BMPR1B: variants seen among roughly 807,000 people sequenced by gnomAD.
BMPR1B encodes the protein bone morphogenetic protein receptor type 1B, also known as bone morphogenetic protein receptor type-1B.
A neutral mutation model predicts 59.1 loss-of-function variants in BMPR1B; 12 were observed. The observed-to-expected ratio is 0.20, with a 90% CI of 0.13 to 0.33. BMPR1B has a LOEUF of 0.33. Among genes scored for constraint, BMPR1B ranks in the 10% least tolerant of loss-of-function variants. The probability of loss-of-function intolerance (pLI) is 1.00; values close to 1 mark genes in which losing one functional copy is unlikely to be tolerated. For synonymous variants in BMPR1B, 237 were observed against 207.3 expected (o/e 1.14, Z -1.23); for missense variants, 550 against 610.9 (o/e 0.90, Z 1.05).
chr4:95,061,482 A>C (rs944346020), intron 3 of BMPR1B, among the ~76,000 whole-genome samples: 2 of 152,196 alleles, frequency 1.3e-5, no homozygotes, highest in Non-Finnish European at 2.9e-5. Context: ...GTTTCCTTTA[A>C]CAGAAAATAA....
intron 2 of BMPR1B, among the ~76,000 whole-genome samples, chr4:94,926,454 T>C (rs895294044): frequency 6.6e-6 from 1 of 152,108 alleles, no homozygotes; most frequent in African/African-American, 2.4e-5. Flanking sequence ...TTTTACAATT[T>C]TTATTTAAGG....
rs376541946 is a variant in BMPR1B, at chr4:94,781,034, C to T, written c.-183+22966C>T. Among the ~76,000 whole-genome samples, 3 of 152,022 alleles carry T rather than the reference C, an allele frequency of 2.0e-5. No homozygotes were observed. The East Asian group carries it at 5.8e-4, about 29-fold the overall frequency. On this transcript the variant is annotated intron_variant, in intron 1 of 12. Transcript: ENST00000515059. ...TAGCTATTGTAGTCAGAATGAAGTA[C>T]TGTGTCATTGTGGCATTGATTTGCA...
At chr4:95,044,375 T>G (rs899525307) in intron 3 of BMPR1B, among the ~76,000 whole-genome samples, 1 of 152,218 alleles carries the variant, frequency 6.6e-6, no homozygotes, top group Non-Finnish European at 1.5e-5. Context: ...ACTTGATTGA[T>G]GCCCAGAACA....
At chr4:95,040,690 G>T (rs1375894376) in intron 3 of BMPR1B, among the ~76,000 whole-genome samples, 1 of 152,130 alleles carries the variant, frequency 6.6e-6, no homozygotes, top group African/African-American at 2.4e-5. Context: ...TCCAGGAGTC[G>T]AAGTGTGAAT....
intron 2 of BMPR1B, among the ~76,000 whole-genome samples, chr4:94,973,917 A>G (rs912633938): frequency 6.6e-6 from 1 of 152,212 alleles, no homozygotes; most frequent in African/African-American, 2.4e-5. Flanking sequence ...AAATTTTTAC[A>G]AAATAAATTA....
At chr4:94,829,385 C>T (rs1478426105) in intron 1 of BMPR1B, among the ~76,000 whole-genome samples, 1 of 151,442 alleles carries the variant, frequency 6.6e-6, no homozygotes, top group African/African-American at 2.4e-5. Context: ...CAGATCCTCC[C>T]ACCTCAGCCT....
At chr4:94,936,970 A>G (rs1255070651) in intron 2 of BMPR1B, among the ~76,000 whole-genome samples, 1 of 152,022 alleles carries the variant, frequency 6.6e-6, no homozygotes, top group Non-Finnish European at 1.5e-5. Context: ...CGAGCCTATC[A>G]CTGTCTCTGC....
rs187213994 is a variant in BMPR1B, at chr4:95,074,546, T to A, written c.-17-29862T>A. On this transcript the variant is annotated intron_variant, in intron 3 of 12. Transcript: ENST00000515059. ...TCATTTTCATTTTTCGTCATTGTTT[T>A]TTTCCTGAAGACCCCAAGGCCCTGT... Among the ~76,000 whole-genome samples the A allele has an allele frequency of 3.3e-5, 5 of 152,230 alleles. No homozygotes were observed. In the East Asian group the frequency reaches 9.7e-4, roughly 29 times the overall value.
At chr4:94,786,582 A>G (rs1051816323) in intron 1 of BMPR1B, among the ~76,000 whole-genome samples, 2 of 152,168 alleles carry the variant, frequency 1.3e-5, no homozygotes, top group East Asian at 3.9e-4. Flanking sequence ...TCTGTTGCCC[A>G]GGCTGGAATG....
At chr4:95,014,314 A>G (rs753229429) in intron 3 of BMPR1B, among the ~76,000 whole-genome samples, 8 of 152,246 alleles carry the variant, frequency 5.3e-5, no homozygotes, top group Non-Finnish European at 1.2e-4. Flanking sequence ...AGACTATCTT[A>G]TAATTCATAG....
At chr4:94,997,819 T>C (rs1019687567) in intron 3 of BMPR1B, among the ~76,000 whole-genome samples, 6 of 152,196 alleles carry the variant, frequency 3.9e-5, no homozygotes, top group African/African-American at 1.2e-4. Context: ...ATGATCAAGA[T>C]TGTAATTTCA....
At chr4:94,970,001 G>C (rs1730711105) in intron 2 of BMPR1B, among the ~76,000 whole-genome samples, 1 of 152,024 alleles carries the variant, frequency 6.6e-6, no homozygotes, top group African/African-American at 2.4e-5. Flanking sequence ...CTTTTAAATG[G>C]TTTAGTATTT....
chr4:94,795,924 C>T (rs993696152), intron 1 of BMPR1B, among the ~76,000 whole-genome samples: 7 of 151,698 alleles, frequency 4.6e-5, no homozygotes, highest in African/African-American at 9.7e-5. Flanking sequence ...GGCATAGAGA[C>T]GGTCAGCAAA....
At chr4:95,047,618 C>A (rs957518365) in intron 3 of BMPR1B, among the ~76,000 whole-genome samples, 1 of 152,104 alleles carries the variant, frequency 6.6e-6, no homozygotes, top group Non-Finnish European at 1.5e-5. Flanking sequence ...ATACTGTACT[C>A]CTTGGAAGCA....
chr4:94,876,848 A>C (rs1726752370), intron 2 of BMPR1B, among the ~76,000 whole-genome samples: 1 of 152,208 alleles, frequency 6.6e-6, no homozygotes, highest in African/African-American at 2.4e-5. Flanking sequence ...AGTGAACTCT[A>C]TCAGAAATTT....
intron 4 of BMPR1B, among the ~76,000 whole-genome samples, chr4:95,105,204 A>G (rs1323024070): frequency 6.6e-6 from 1 of 152,124 alleles, no homozygotes; most frequent in Non-Finnish European, 1.5e-5. Flanking sequence ...TGATCACTAT[A>G]GCTGCATTTA....
At chr4:94,901,953 T>G (rs1377146974) in intron 2 of BMPR1B, among the ~76,000 whole-genome samples, 1 of 151,714 alleles carries the variant, frequency 6.6e-6, no homozygotes, top group Non-Finnish European at 1.5e-5. Context: ...GTCACATAGG[T>G]ATATATTCAT....
intron 2 of BMPR1B, among the ~76,000 whole-genome samples, chr4:94,923,043 C>A (rs184507366): frequency 6.6e-6 from 1 of 152,262 alleles, no homozygotes; most frequent in East Asian, 1.9e-4. Flanking sequence ...AGTGCTATTT[C>A]ATTGACCTAT....
chr4:94,897,253 C>T (rs1300037744), intron 2 of BMPR1B, among the ~76,000 whole-genome samples: 1 of 151,976 alleles, frequency 6.6e-6, no homozygotes, highest in African/African-American at 2.4e-5. Context: ...ATAGGATGAC[C>T]CTGCGTGGAC....
Sources: allele counts gnomAD v4.1 joint callset (sites outside exome capture counted in the v4.1 genomes callset), GRCh38; gene constraint gnomAD v4.1.1; transcripts MANE v1.5; gene names NCBI Gene and HGNC (gene_info 2026-07-23, HGNC 2026-07-21).